The following PDPN variants were observed in gnomAD, a reference collection of about 807,000 sequenced individuals.
The protein encoded by PDPN is PA2.26 antigen.
PDPN carries 12 observed loss-of-function variants against 23.2 expected under a neutral mutation model. That is an observed-to-expected ratio of 0.52 (90% CI 0.33 to 0.84). PDPN has a LOEUF of 0.84. Ranked by LOEUF, PDPN falls within the 40% of genes least tolerant of loss-of-function variation. PDPN has a pLI of 0.02. For missense variants in PDPN, 199 were observed against 212.2 expected (o/e 0.94, Z 0.39); for synonymous variants, 77 against 76.7 (o/e 1.00, Z -0.02).
At chr1:13,595,937 A>T in intron 1 of PDPN, 1 of 1,212,110 alleles carries the variant, frequency 8.3e-7, no homozygotes, top group Non-Finnish European at 1.1e-6. Flanking sequence ...GTGGCTCACA[A>T]CTGTAATCCC....
intron 1 of PDPN, among the ~76,000 whole-genome samples, chr1:13,605,549 A>T (rs954121711): frequency 6.6e-6 from 1 of 152,188 alleles, no homozygotes; most frequent in Non-Finnish European, 1.5e-5. Context: ...GAAGAAGAGG[A>T]TACTGCTGTT....
At position 13,616,229 on chromosome 1, in the gene PDPN, G is replaced by C; in HGVS notation, c.*318G>C. ...GTAACTAACACTGGACCATTGGATCGATATTATATGCTGTAACCATGTGTC... is the reference window on the plus strand; with the variant it reads ...GTAACTAACACTGGACCATTGGATCCATATTATATGCTGTAACCATGTGTC... On this transcript the variant is annotated 3_prime_UTR_variant, in exon 6 of 6. Coordinates refer to ENST00000621990, the MANE Select transcript of PDPN (RefSeq NM_006474.5). The C allele has an allele frequency of 2.4e-6, 1 of 420,198 alleles. No homozygotes were observed. 26.0% of individuals were successfully genotyped at this position (420,198 alleles called of 1,614,324 possible).
chr1:13,608,341 A>G (rs1279412147), intron 2 of PDPN, among the ~76,000 whole-genome samples: 1 of 152,224 alleles, frequency 6.6e-6, no homozygotes, highest in Non-Finnish European at 1.5e-5. Flanking sequence ...AATGAGCCAC[A>G]TCCTCGACCT....
intron 5 of PDPN, 91 bp downstream of exon 5, chr1:13,614,502 A>G (rs886717056): frequency 5.7e-5 from 44 of 767,658 alleles, no homozygotes; most frequent in Non-Finnish European, 9.1e-5. Flanking sequence ...TCTCTGATAT[A>G]AGCTGGGTGT....
intron 3 of PDPN, among the ~76,000 whole-genome samples, chr1:13,611,354 T>A (rs1640931292): frequency 6.6e-6 from 1 of 151,158 alleles, no homozygotes; most frequent in South Asian, 2.1e-4. Flanking sequence ...GATAGTTGGA[T>A]AGATAAGCAA....
At chr1:13,589,654 A>G (rs545837709) in intron 1 of PDPN, among the ~76,000 whole-genome samples, 2 of 152,172 alleles carry the variant, frequency 1.3e-5, no homozygotes, top group Non-Finnish European at 2.9e-5. Context: ...GGCAGCAGTG[A>G]GACTGAACCC....
chr1:13,583,923 C>G lies in PDPN; in HGVS notation c.-111C>G, dbSNP rs770812249. 5.6e-6 allele frequency: 9 copies of G among 1,612,910 alleles called. No individual in the cohort carries two copies. Among genetic ancestry groups the G allele is most frequent in the Non-Finnish European group, 7.6e-6 (9 of 1,179,560 alleles). ...TCCTGCTCCCACCCCTCCGGCCCCCCCACCGTCGCGCTCCTCCAGGCTGGG... is the reference window on the plus strand; with the variant it reads ...TCCTGCTCCCACCCCTCCGGCCCCCGCACCGTCGCGCTCCTCCAGGCTGGG... On this transcript the variant is annotated 5_prime_UTR_variant, in exon 1 of 6. Transcript: ENST00000621990.
At chr1:13,595,720 CA>C (rs1640477569) in intron 1 of PDPN, 3 of 481,150 alleles carry the variant, frequency 6.2e-6, no homozygotes, top group Non-Finnish European at 1.2e-5. Flanking sequence ...GGACCTGCCA[CA>C]GTGAATGGGC....
At chr1:13,584,246 C>G in intron 1 of PDPN, 146 bp downstream of exon 1, 3 of 1,532,262 alleles carry the variant, frequency 2.0e-6, no homozygotes, top group Non-Finnish European at 2.6e-6. Context: ...GGCTGAGCGC[C>G]GGAGGAGGAG....
rs1015492617 is a variant in PDPN, at chr1:13,617,352, CTG to C, written c.*1447_*1448del. On this transcript the variant is annotated 3_prime_UTR_variant, in exon 6 of 6. Coordinates refer to ENST00000621990, the MANE Select transcript of PDPN (RefSeq NM_006474.5). Reference sequence around the variant, plus strand: ...CTGGATGTTATTTTAAACAGTGTGTCTGTGTGTTCCCAAATCCAGCTGGCCCC... The same window carrying C: ...CTGGATGTTATTTTAAACAGTGTGTCTGTGTTCCCAAATCCAGCTGGCCCC... The C allele has an allele frequency of 8.5e-5, 13 of 152,284 alleles. No individual in the cohort carries two copies. The highest frequency in any genetic ancestry group is 2.6e-4 in the African/African-American group (11 of 41,552). The allele number at this position is 152,284 out of a possible 1,614,324, so 9.4% of individuals were successfully genotyped here. A position where few individuals can be genotyped will look rare whatever the true frequency, so the allele number is the denominator to read the frequency against.
At position 13,610,425 on chromosome 1, in the gene PDPN, C is replaced by G. The variant is rs145319958; in HGVS notation, c.240C>G (p.Ile80Met). ...TSVNSVTGIR[I>M]EDLPTSESTV... Reference sequence around the variant, plus strand: ...TCAACAGTGTAACAGGCATTCGCATCGAGGATCTGCCAACTTCAGAAAGCA... The same window carrying G: ...TCAACAGTGTAACAGGCATTCGCATGGAGGATCTGCCAACTTCAGAAAGCA... Residue 80 changes from isoleucine to methionine, a missense_variant, in exon 3 of 6, where the codon ATC becomes ATG. Coordinates refer to ENST00000621990, the MANE Select transcript of PDPN (RefSeq NM_006474.5). 6.2e-7 allele frequency: 1 copy of G among 1,613,748 alleles called. No homozygotes were observed. The highest frequency in any genetic ancestry group is 2.2e-5 in the East Asian group (1 of 44,868).
intron 1 of PDPN, among the ~76,000 whole-genome samples, chr1:13,588,996 A>ATTGAATAGTGCTAC (rs1223644848): frequency 0.01 from 1,572 of 151,206 alleles, 56 homozygotes; most frequent in African/African-American, 0.037. Context: ...TATTCAATAA[A>ATTGAATAGTGCTAC]TATTTATTGA....
intron 1 of PDPN, among the ~76,000 whole-genome samples, chr1:13,592,297 GAATAGCGTTTA>G (rs1034719894): frequency 1.3e-5 from 2 of 152,108 alleles, no homozygotes; most frequent in Admixed American, 1.3e-4. Flanking sequence ...AGCAACCATT[GAATAGCGTTTA>G]AAATTTTGGT....
rs571082978 is a variant in PDPN at position 13,599,494 on chromosome 1, T to G, written c.68-7679T>G. On this transcript the variant is annotated intron_variant, in intron 1 of 5. Coordinates refer to ENST00000621990, the MANE Select transcript of PDPN (RefSeq NM_006474.5). Reference sequence around the variant, plus strand: ...TCCACCTCCTGGGTTCAAGTGATTCTTGTGCCTCAGCCTCCTGAGTAGCTG... The same window carrying G: ...TCCACCTCCTGGGTTCAAGTGATTCGTGTGCCTCAGCCTCCTGAGTAGCTG... Among the ~76,000 whole-genome samples, 178 of 145,712 alleles carry G rather than the reference T, an allele frequency of 1.2e-3. 1 individual carries two copies. The highest frequency in any genetic ancestry group is 4.1e-3 in the African/African-American group (162 of 39,652).
Position 13,616,079 on chromosome 1 carries a change from C to T in PDPN, c.*168C>T, listed in dbSNP as rs543008368. ...TTGCCAAAATAACCGAAGGAAAGAC[C>T]GTTCACCAGACTTGGCTCCTCTAAA... On this transcript the variant is annotated 3_prime_UTR_variant, in exon 6 of 6. Coordinates refer to ENST00000621990, the MANE Select transcript of PDPN (RefSeq NM_006474.5). The T allele has an allele frequency of 5.8e-4, 378 of 649,870 alleles. No individual in the cohort carries two copies. Among genetic ancestry groups the T allele is most frequent in the Middle Eastern group, 3.8e-3 (11 of 2,904 alleles). 40.3% of individuals were successfully genotyped at this position (649,870 alleles called of 1,614,324 possible). A position where few individuals can be genotyped will look rare whatever the true frequency, so the allele number is the denominator to read the frequency against.
At chr1:13,613,776 T>C (rs1242002772) in intron 4 of PDPN, 51 bp downstream of exon 4, 1 of 1,015,134 alleles carries the variant, frequency 9.9e-7, no homozygotes, top group East Asian at 2.4e-5. Flanking sequence ...TTTTAAAAAT[T>C]TCTTTGAAGC....
intron 4 of PDPN, among the ~76,000 whole-genome samples, 173 bp from the exon 5 acceptor site, chr1:13,614,127 G>C (rs1261402809): frequency 2.0e-5 from 3 of 152,166 alleles, no homozygotes; most frequent in Non-Finnish European, 4.4e-5. Flanking sequence ...TTGTAAAATA[G>C]GATTAGACTA....
intron 2 of PDPN, 24 bp downstream of exon 2, chr1:13,607,330 A>T (rs767142730): frequency 1.9e-6 from 3 of 1,604,914 alleles, no homozygotes; most frequent in Non-Finnish European, 1.7e-6. Flanking sequence ...GAAGAGAGGA[A>T]TTTTTTCCGT....
chr1:13,607,418 A>G, intron 2 of PDPN, 112 bp downstream of exon 2: 2 of 693,624 alleles, frequency 2.9e-6, no homozygotes, highest in Non-Finnish European at 4.3e-6. Flanking sequence ...TAAAATCAGC[A>G]TGAGCCACCA....
Sources: gnomAD v4.1 joint callset for allele counts (sites outside exome capture counted in the v4.1 genomes callset) on GRCh38, gnomAD v4.1.1 for gene constraint, MANE v1.5 for transcripts, NCBI Gene and HGNC (gene_info 2026-07-23, HGNC 2026-07-21) for gene names.